The following ULBP1 variants were observed in gnomAD, a reference collection of about 807,000 sequenced individuals.
The protein encoded by ULBP1 is UL16-binding protein 1.
A neutral mutation model predicts 25.3 loss-of-function variants in ULBP1; 28 were observed. The observed-to-expected ratio is 1.10, with a 90% CI of 0.82 to 1.51. ULBP1 has a LOEUF of 1.51. Among genes scored for constraint, ULBP1 ranks in the 40% most tolerant of loss-of-function variants. ULBP1 has a pLI of 0.00. For missense variants in ULBP1, 348 were observed against 290.9 expected, an observed-to-expected ratio of 1.20 and a Z score of -1.43; for synonymous variants, 129 against 103.0, an observed-to-expected ratio of 1.25 and a Z score of -1.53.
At chr6:149,966,178 G>A (rs1446400499) in intron 1 of ULBP1, among the ~76,000 whole-genome samples, 1 of 151,592 alleles carries the variant, frequency 6.6e-6, no homozygotes, top group East Asian at 1.9e-4. Flanking sequence ...CTGGCCGTGA[G>A]TTCTCTGTCT....
In ULBP1 at chr6:149,973,351, C is replaced by T. The variant is rs1366894295; in HGVS notation, c.*2005C>T. On this transcript the variant is annotated 3_prime_UTR_variant, in exon 5 of 5. Coordinates refer to ENST00000229708, the MANE Select transcript of ULBP1 (RefSeq NM_025218.4). ...AGAGGGGCACCTGGGCTGAAAAACA[C>T]ACCTGTTGGGTATCATGCTTACTGT... 3 of 152,218 alleles carry T rather than the reference C, an allele frequency of 2.0e-5. No homozygotes were observed. Among genetic ancestry groups the T allele is most frequent in the South Asian group, 2.1e-4 (1 of 4,828 alleles). The allele number at this position is 152,218 out of a possible 1,614,324, so 9.4% of individuals were successfully genotyped here. A position where few individuals can be genotyped will look rare whatever the true frequency, so the allele number is the denominator to read the frequency against.
intron 1 of ULBP1, among the ~76,000 whole-genome samples, chr6:149,964,563 A>ATCTCCCCGAACATCGCGG (rs1779162769): frequency 9.3e-6 from 1 of 107,962 alleles, no homozygotes; most frequent in Non-Finnish European, 1.9e-5. Flanking sequence ...GAGCAACGCG[A>ATCTCCCCGAACATCGCGG]TCTCCCCGAA....
intron 2 of ULBP1, 84 bp downstream of exon 2, chr6:149,968,954 TTG>T: frequency 6.4e-7 from 1 of 1,555,870 alleles, no homozygotes; most frequent in Non-Finnish European, 8.7e-7. Flanking sequence ...AATCAGAAGT[TTG>T]TGTCACCCAA....
chr6:149,966,590 G>T (rs917516282), intron 1 of ULBP1, among the ~76,000 whole-genome samples: 2 of 152,178 alleles, frequency 1.3e-5, no homozygotes, highest in Non-Finnish European at 2.9e-5. Flanking sequence ...CCAACTGCTT[G>T]TGCAGCTTCT....
At chr6:149,965,737 G>C (rs1220639062) in intron 1 of ULBP1, among the ~76,000 whole-genome samples, 1 of 152,080 alleles carries the variant, frequency 6.6e-6, no homozygotes. Context: ...TCACCTGCAC[G>C]CAGGGGCTCA....
intron 1 of ULBP1, among the ~76,000 whole-genome samples, chr6:149,968,254 G>A (rs557323502): frequency 1.3e-5 from 2 of 152,282 alleles, no homozygotes; most frequent in East Asian, 3.9e-4. Flanking sequence ...ACCTCCTGCA[G>A]TCCACATGGG....
intron 1 of ULBP1, among the ~76,000 whole-genome samples, chr6:149,967,376 A>T (rs1779221787): frequency 6.6e-6 from 1 of 152,118 alleles, no homozygotes; most frequent in South Asian, 2.1e-4. Flanking sequence ...AGGCTGAGGG[A>T]GTCATTGCAG....
At chr6:149,970,762 TG>T (rs1317669404) in intron 4 of ULBP1, among the ~76,000 whole-genome samples, 10 of 152,356 alleles carry the variant, frequency 6.6e-5, no homozygotes, top group Admixed American at 5.9e-4. Flanking sequence ...TGCCAGGCCC[TG>T]GGGCGATGCC....
chr6:149,965,872 G>A (rs1367159100), intron 1 of ULBP1, among the ~76,000 whole-genome samples: 1 of 152,002 alleles, frequency 6.6e-6, no homozygotes, highest in Admixed American at 6.5e-5. Flanking sequence ...CCATGAAGGG[G>A]CCCTTAGCAC....
At position 149,973,316 on chromosome 6, in the gene ULBP1, C is replaced by T. The variant is rs998682135; in HGVS notation, c.*1970C>T. The T allele has an allele frequency of 6.6e-6, 1 of 152,114 alleles. No homozygotes were observed. Among genetic ancestry groups the T allele is most frequent in the Non-Finnish European group, 1.5e-5 (1 of 68,024 alleles). 9.4% of individuals were successfully genotyped at this position (152,114 alleles called of 1,614,324 possible). ...CCACAGATGCTGGAGATCACCAGAC[C>T]GGGGAGAGAAGAGGGGCACCTGGGC... On this transcript the variant is annotated 3_prime_UTR_variant, in exon 5 of 5. Transcript: ENST00000229708.
chr6:149,968,129 A>C (rs927229789), intron 1 of ULBP1, among the ~76,000 whole-genome samples: 4 of 152,216 alleles, frequency 2.6e-5, no homozygotes, highest in African/African-American at 7.2e-5. Flanking sequence ...GGGCTTTGCC[A>C]ACGTGTTAAA....
chr6:149,964,235 G>A (rs1779154587), intron 1 of ULBP1, 101 bp downstream of exon 1: 3 of 1,336,950 alleles, frequency 2.2e-6, no homozygotes, highest in South Asian at 1.3e-5. Flanking sequence ...AAGGACCGGC[G>A]CGATCTCCCT....
chr6:149,964,304 G>T (rs1005278583), intron 1 of ULBP1, among the ~76,000 whole-genome samples, 170 bp downstream of exon 1: 2 of 151,792 alleles, frequency 1.3e-5, no homozygotes, highest in Admixed American at 6.6e-5. Context: ...CGGTCTCCCC[G>T]AACATCGCGG....
chr6:149,970,003 G>C lies in ULBP1; in HGVS notation c.626-13G>C, dbSNP rs1434922866. The C allele has an allele frequency of 6.2e-7, 1 of 1,605,778 alleles. No homozygotes were observed. The highest frequency in any genetic ancestry group is 8.5e-7 in the Non-Finnish European group (1 of 1,176,000). ...CCTGGACAAGGGTTGTCACTCCTGTGTTTCCATTTCAGAACCACCCTCTCT... is the reference window on the plus strand; with the variant it reads ...CCTGGACAAGGGTTGTCACTCCTGTCTTTCCATTTCAGAACCACCCTCTCT... On this transcript the variant is annotated splice_polypyrimidine_tract_variant and intron_variant, in intron 3 of 4. Coordinates refer to ENST00000229708, the MANE Select transcript of ULBP1 (RefSeq NM_025218.4).
intron 4 of ULBP1, 107 bp from the exon 5 acceptor site, chr6:149,971,262 A>T: frequency 1.3e-6 from 1 of 795,132 alleles, no homozygotes; most frequent in Non-Finnish European, 1.5e-6. Context: ...CATGTTTCTT[A>T]TTTGTGGGAG....
chr6:149,969,007 G>A, intron 2 of ULBP1, 78 bp from the exon 3 acceptor site: 1 of 1,572,562 alleles, frequency 6.4e-7, no homozygotes, highest in Non-Finnish European at 8.6e-7. Context: ...GAGAGAGCAA[G>A]TCCAGGAGCC....
intron 1 of ULBP1, among the ~76,000 whole-genome samples, chr6:149,965,702 C>T (rs960437148): frequency 6.6e-6 from 1 of 152,140 alleles, no homozygotes; most frequent in African/African-American, 2.4e-5. Context: ...CCTGGAACTT[C>T]GCCCCTACAC....
intron 1 of ULBP1, among the ~76,000 whole-genome samples, chr6:149,965,267 CGAACATCGCGATCCCCCA>C (rs1779184989): frequency 1.7e-5 from 2 of 114,472 alleles, no homozygotes; most frequent in African/African-American, 4.7e-5. Flanking sequence ...GCGGTCTCCC[CGAACATCGCGATCCCCCA>C]GAACATCGCG....
chr6:149,968,966 A>G, intron 2 of ULBP1, 96 bp downstream of exon 2: 1 of 1,556,186 alleles, frequency 6.4e-7, no homozygotes, highest in Non-Finnish European at 8.7e-7. Context: ...GTGTCACCCA[A>G]GAGGTTGAGG....
Sources: gnomAD v4.1 joint callset for allele counts (sites outside exome capture counted in the v4.1 genomes callset) on GRCh38, gnomAD v4.1.1 for gene constraint, MANE v1.5 for transcripts, NCBI Gene and HGNC (gene_info 2026-07-23, HGNC 2026-07-21) for gene names.